PTPRG: variants seen among roughly 807,000 people sequenced by gnomAD.
PTPRG encodes receptor-type tyrosine-protein phosphatase gamma.
A neutral mutation model predicts 165.3 loss-of-function variants in PTPRG; 102 were observed. The observed-to-expected ratio is 0.62, with a 90% confidence interval of 0.53 to 0.73. The LOEUF is 0.73. PTPRG is among the 30% of genes least tolerant of loss of function. The pLI, the probability that PTPRG is intolerant of heterozygous loss-of-function variation, is 0.00. For synonymous variants in PTPRG, 675 were observed against 669.5 expected (o/e 1.01, Z -0.13); for missense variants, 1,866 against 1,861.4 (o/e 1.00, Z -0.05).
chr3:62,100,801 G>A (rs987163187), intron 5 of PTPRG, among the ~76,000 whole-genome samples: 2 of 152,226 alleles, frequency 1.3e-5, no homozygotes, highest in South Asian at 2.1e-4. Context: ...GCTGTGGACA[G>A]ATGGGTTGTT....
At chr3:61,689,878 T>A (rs1274505519) in intron 1 of PTPRG, among the ~76,000 whole-genome samples, 1 of 152,228 alleles carries the variant, frequency 6.6e-6, no homozygotes, top group African/African-American at 2.4e-5. Flanking sequence ...TCCATTTATT[T>A]CCTACTAGAC....
chr3:62,090,006 A>G (rs567911933), intron 5 of PTPRG, among the ~76,000 whole-genome samples: 2 of 152,328 alleles, frequency 1.3e-5, no homozygotes, highest in Admixed American at 1.3e-4. Context: ...ATGTGGGTAT[A>G]TTCATTTAAT....
At chr3:61,856,957 T>C (rs948868485) in intron 2 of PTPRG, among the ~76,000 whole-genome samples, 2 of 152,216 alleles carry the variant, frequency 1.3e-5, no homozygotes, top group Non-Finnish European at 2.9e-5. Flanking sequence ...CTGATGACTT[T>C]CAAGTCTTCT....
chr3:61,748,010 G>A (rs750819005), intron 1 of PTPRG, among the ~76,000 whole-genome samples: 1 of 152,180 alleles, frequency 6.6e-6, no homozygotes, highest in African/African-American at 2.4e-5. Context: ...GGCTTTGAAC[G>A]CTATAGCAGG....
intron 13 of PTPRG, among the ~76,000 whole-genome samples, chr3:62,223,306 C>T (rs1404616795): frequency 6.6e-6 from 1 of 152,192 alleles, no homozygotes; most frequent in Non-Finnish European, 1.5e-5. Context: ...TTTGGAGCCA[C>T]ACTCCACCAC....
At chr3:61,633,988 C>T (rs963008806) in intron 1 of PTPRG, among the ~76,000 whole-genome samples, 1 of 151,454 alleles carries the variant, frequency 6.6e-6, no homozygotes, top group Non-Finnish European at 1.5e-5. Context: ...GATCTCAGCT[C>T]ACTGCAACCT....
chr3:62,007,156 C>G (rs923908383), intron 4 of PTPRG, among the ~76,000 whole-genome samples: 11 of 152,132 alleles, frequency 7.2e-5, no homozygotes, highest in African/African-American at 2.2e-4. Context: ...ATGTGCCCCA[C>G]AAGAAGCTGG....
chr3:62,160,549 A>G (rs1469286322), intron 7 of PTPRG, among the ~76,000 whole-genome samples: 1 of 152,248 alleles, frequency 6.6e-6, no homozygotes, highest in African/African-American at 2.4e-5. Flanking sequence ...GTGGGATGTC[A>G]GAGGAGCCGG....
intron 2 of PTPRG, among the ~76,000 whole-genome samples, chr3:61,922,898 C>T (rs2039113980): frequency 6.6e-6 from 1 of 152,174 alleles, no homozygotes; most frequent in South Asian, 2.1e-4. Flanking sequence ...GGCTTGGCCT[C>T]GCAAAGTGTT....
At position 61,619,862 on chromosome 3, in the gene PTPRG, G is replaced by T. The variant is rs143150383; in HGVS notation, c.85+57490G>T. ...ACTGTTTTGAACCCTAGGAAGTCTAGCTTTTTTTGGGTAAACATCACCTCT... is the reference window on the plus strand; with the variant it reads ...ACTGTTTTGAACCCTAGGAAGTCTATCTTTTTTTGGGTAAACATCACCTCT... On this transcript the variant is annotated intron_variant, in intron 1 of 29. Transcript: ENST00000474889. Among the ~76,000 whole-genome samples, 6 of 152,240 alleles carry T rather than the reference G, an allele frequency of 3.9e-5. No homozygotes were observed. The East Asian group carries it at 1.2e-3, about 29-fold the overall frequency.
chr3:62,013,539 C>G (rs1349946184), intron 4 of PTPRG, among the ~76,000 whole-genome samples: 1 of 152,176 alleles, frequency 6.6e-6, no homozygotes, highest in African/African-American at 2.4e-5. Flanking sequence ...ATGCAGTATT[C>G]AGGATTTTTG....
intron 4 of PTPRG, among the ~76,000 whole-genome samples, chr3:62,014,057 C>T (rs1278679269): frequency 6.6e-6 from 1 of 152,082 alleles, no homozygotes; most frequent in Non-Finnish European, 1.5e-5. Flanking sequence ...AAAATTTGAG[C>T]GGGAAGGTTT....
chr3:61,922,259 T>C (rs1377321219), intron 2 of PTPRG, among the ~76,000 whole-genome samples: 1 of 152,258 alleles, frequency 6.6e-6, no homozygotes, highest in Non-Finnish European at 1.5e-5. Context: ...ATTCTTCTCC[T>C]GGATATCTGC....
chr3:62,124,349 C>T, intron 5 of PTPRG: 1 of 1,612,908 alleles, frequency 6.2e-7, no homozygotes, highest in Non-Finnish European at 8.5e-7. Context: ...GTGATGCAGG[C>T]TGACAATAGT....
At chr3:62,164,950 T>G (rs1704911352) in intron 7 of PTPRG, among the ~76,000 whole-genome samples, 1 of 152,242 alleles carries the variant, frequency 6.6e-6, no homozygotes, top group Admixed American at 6.5e-5. Flanking sequence ...GGCTGTCTCT[T>G]CCAGAAAATT....
chr3:62,127,643 C>A (rs901632893), intron 5 of PTPRG, among the ~76,000 whole-genome samples: 1 of 152,122 alleles, frequency 6.6e-6, no homozygotes, highest in South Asian at 2.1e-4. Context: ...GAGCAGCTGG[C>A]GGTGTCGGAT....
At position 62,229,958 on chromosome 3, in the gene PTPRG, T is replaced by C. The variant is rs1576160349; in HGVS notation, c.2289-1267T>C. ...TAAATATTTTAGGAAGCTGCAAATT[T>C]CAAGTTTTTATGAGAATTTGTAAAA... On this transcript the variant is annotated intron_variant, in intron 13 of 29. Coordinates refer to ENST00000474889, the MANE Select transcript of PTPRG (RefSeq NM_002841.4). This position sits in a 1 kb window ranked among gnomAD's most constrained non-coding sequence, Gnocchi z 4.6. 6.6e-6 allele frequency among the ~76,000 whole-genome samples: 1 copy of C among 152,236 alleles called. No homozygotes were observed. The highest frequency in any genetic ancestry group is 1.9e-4 in the East Asian group (1 of 5,204).
chr3:61,689,397 G>C (rs1342476715), intron 1 of PTPRG, among the ~76,000 whole-genome samples: 1 of 152,212 alleles, frequency 6.6e-6, no homozygotes, highest in Non-Finnish European at 1.5e-5. Context: ...GCATATTTAT[G>C]ATTGTCTGAC....
intron 2 of PTPRG, among the ~76,000 whole-genome samples, chr3:61,885,677 CTCT>C (rs1475595781): frequency 2.3e-4 from 20 of 86,652 alleles, no homozygotes; most frequent in Non-Finnish European, 3.6e-4. Flanking sequence ...CTCTCCTCTC[CTCT>C]CCTCTCCTCT....
Sources: gnomAD v4.1 joint callset for allele counts (sites outside exome capture counted in the v4.1 genomes callset) on GRCh38, gnomAD v4.1.1 for gene constraint, Gnocchi (gnomAD v3.1) non-coding constraint, MANE v1.5 for transcripts, NCBI Gene and HGNC (gene_info 2026-07-23, HGNC 2026-07-21) for gene names.